Variants in HM13 observed in about 807,000 individuals in gnomAD.
HM13 encodes histocompatibility minor 13.
Under a neutral mutation model 50.0 loss-of-function variants are expected in HM13, and 18 were observed. That is an observed-to-expected ratio of 0.36 (90% CI 0.25 to 0.53). The LOEUF is 0.53. Among genes scored for constraint, HM13 ranks in the 20% least tolerant of loss-of-function variants. The probability of loss-of-function intolerance (pLI) is 0.90; values close to 1 mark genes in which losing one functional copy is unlikely to be tolerated. For missense variants in HM13, 393 were observed against 552.4 expected, an observed-to-expected ratio of 0.71 and a Z score of 2.89; for synonymous variants, 197 against 232.6, an observed-to-expected ratio of 0.85 and a Z score of 1.39.
intron 4 of HM13, 50 bp from the exon 5 acceptor site, chr20:31,548,979 G>T: frequency 6.6e-7 from 1 of 1,504,994 alleles, no homozygotes; most frequent in Non-Finnish European, 9.3e-7. Flanking sequence ...TGACAGGTGG[G>T]AGGGGTAGCC....
At chr20:31,547,424 C>T in intron 4 of HM13, 1 of 483,422 alleles carries the variant, frequency 2.1e-6, no homozygotes, top group Non-Finnish European at 3.7e-6. Flanking sequence ...GGCGCCCGCG[C>T]CGGCCTTCCT....
At chr20:31,552,853 A>G (rs1230648261) in intron 7 of HM13, among the ~76,000 whole-genome samples, 2 of 152,318 alleles carry the variant, frequency 1.3e-5, no homozygotes, top group African/African-American at 4.8e-5. Flanking sequence ...GGGAAGCACA[A>G]GCTTATTCAG....
At chr20:31,523,953 G>A (rs1982332607) in intron 1 of HM13, among the ~76,000 whole-genome samples, 1 of 152,196 alleles carries the variant, frequency 6.6e-6, no homozygotes, top group Non-Finnish European at 1.5e-5. Flanking sequence ...GGCTGCCTCA[G>A]CCATGCATAG....
Position 31,569,114 on chromosome 20 carries a change from G to A in HM13, c.1182-6G>A. The A allele has an allele frequency of 8.5e-7, 1 of 1,176,124 alleles. No homozygotes were observed. Among genetic ancestry groups the A allele is most frequent in the Non-Finnish European group, 1.1e-6 (1 of 890,368 alleles). 72.9% of individuals were successfully genotyped at this position (1,176,124 alleles called of 1,614,324 possible). On this transcript the variant is annotated splice_polypyrimidine_tract_variant and splice_region_variant and intron_variant, in intron 12 of 12. Transcript: ENST00000398174. ...TTTTTATTGTTGTTTTTTTTTTTTTGGTCAGTTATGAGGAGTCAAATCCTA... is the reference window on the plus strand; with the variant it reads ...TTTTTATTGTTGTTTTTTTTTTTTTAGTCAGTTATGAGGAGTCAAATCCTA...
intron 1 of HM13, among the ~76,000 whole-genome samples, chr20:31,522,444 C>A (rs1982223628): frequency 6.6e-6 from 1 of 152,018 alleles, no homozygotes; most frequent in South Asian, 2.1e-4. Flanking sequence ...TGCCTATAAT[C>A]CCAGCTACTC....
chr20:31,559,202 C>T (rs946855465), intron 8 of HM13, among the ~76,000 whole-genome samples: 2 of 152,218 alleles, frequency 1.3e-5, no homozygotes, highest in African/African-American at 4.8e-5. Flanking sequence ...TTAACAGTCA[C>T]AATCTCACAA....
At chr20:31,565,215 A>G (rs1170476105) in intron 10 of HM13, among the ~76,000 whole-genome samples, 1 of 151,376 alleles carries the variant, frequency 6.6e-6, no homozygotes, top group African/African-American at 2.4e-5. Context: ...GTGGTGCCTC[A>G]GGCCTATAAT....
intron 1 of HM13, among the ~76,000 whole-genome samples, chr20:31,524,907 G>C (rs1982397005): frequency 6.6e-6 from 1 of 151,828 alleles, no homozygotes; most frequent in African/African-American, 2.4e-5. Flanking sequence ...TAGAGATGGG[G>C]TTTCACCACG....
intron 4 of HM13, among the ~76,000 whole-genome samples, chr20:31,545,543 TC>T (rs1983664926): frequency 6.6e-6 from 1 of 152,108 alleles, no homozygotes; most frequent in East Asian, 1.9e-4. Flanking sequence ...GACAGGATGA[TC>T]ACTTGAGGCC....
chr20:31,557,406 C>A (rs767258876), intron 8 of HM13, among the ~76,000 whole-genome samples: 5 of 152,162 alleles, frequency 3.3e-5, no homozygotes, highest in Non-Finnish European at 7.3e-5. Context: ...TATATATATC[C>A]CCAGTAGTCC....
At chr20:31,519,724 C>G (rs1458704021) in intron 1 of HM13, among the ~76,000 whole-genome samples, 1 of 152,124 alleles carries the variant, frequency 6.6e-6, no homozygotes. Flanking sequence ...TAGGTTGTTT[C>G]AGTCTTTTGC....
In HM13 at chr20:31,547,647, T is replaced by G; in HGVS notation, c.455-1382T>G. ...TTAATCAAATCATGCCTAAGAAAGA[T>G]CCTGTCAAAATAGTCCGATGCCACG... On this transcript the variant is annotated intron_variant, in intron 4 of 12. Coordinates refer to ENST00000398174, the MANE Select transcript of HM13 (RefSeq NM_178581.3). The G allele has an allele frequency of 2.5e-6, 4 of 1,572,608 alleles. No individual in the cohort carries two copies. The East Asian group carries it at 9.0e-5, about 35-fold the overall frequency.
intron 2 of HM13, among the ~76,000 whole-genome samples, chr20:31,531,562 A>G (rs1445487406): frequency 6.6e-6 from 1 of 152,050 alleles, no homozygotes; most frequent in Admixed American, 6.6e-5. Context: ...ACATCCAGCT[A>G]TAAATCCTCT....
At chr20:31,556,911 C>T (rs1347524810) in intron 8 of HM13, among the ~76,000 whole-genome samples, 5 of 150,600 alleles carry the variant, frequency 3.3e-5, no homozygotes, top group Admixed American at 6.7e-5. Flanking sequence ...CCCAGCTACT[C>T]GGGAGGCTGA....
At chr20:31,533,492 G>C (rs1366573736) in intron 2 of HM13, among the ~76,000 whole-genome samples, 1 of 152,218 alleles carries the variant, frequency 6.6e-6, no homozygotes, top group African/African-American at 2.4e-5. Flanking sequence ...GTGACAGAGT[G>C]AGACTTCGTC....
At chr20:31,516,047 A>G (rs556157048) in intron 1 of HM13, among the ~76,000 whole-genome samples, 3 of 152,248 alleles carry the variant, frequency 2.0e-5, no homozygotes, top group Non-Finnish European at 4.4e-5. Flanking sequence ...GATCAGATGC[A>G]AAGGAAAGTA....
In HM13 at chr20:31,514,511, A is replaced by T; in HGVS notation, c.-41A>T. ...GTGTCTCCGCCTGCGTCCCTGCTGC[A>T]GCAACCGGAGCTGGAGTCGGATCCC... On this transcript the variant is annotated 5_prime_UTR_variant, in exon 1 of 13. Coordinates refer to ENST00000398174, the MANE Select transcript of HM13 (RefSeq NM_178581.3). The surrounding 1 kb of genome is among the most constrained non-coding windows in gnomAD (Gnocchi z 4.3). The T allele has an allele frequency of 6.3e-7, 1 of 1,581,638 alleles. No homozygotes were observed. The highest frequency in any genetic ancestry group is 2.3e-5 in the East Asian group (1 of 43,728).
intron 1 of HM13, among the ~76,000 whole-genome samples, chr20:31,525,221 G>A (rs1265029454): frequency 2.0e-5 from 3 of 152,040 alleles, no homozygotes; most frequent in Admixed American, 6.6e-5. Context: ...CCAGGATTTC[G>A]AATCTAGCCC....
At chr20:31,526,305 C>A (rs1434445841) in intron 1 of HM13, among the ~76,000 whole-genome samples, 7 of 151,950 alleles carry the variant, frequency 4.6e-5, no homozygotes, top group Admixed American at 4.6e-4. Flanking sequence ...ATTATAGGTG[C>A]CCGCCACTGC....
Sources: allele counts gnomAD v4.1 joint callset (sites outside exome capture counted in the v4.1 genomes callset), GRCh38; gene constraint gnomAD v4.1.1; non-coding constraint Gnocchi (gnomAD v3.1); transcripts MANE v1.5; gene names NCBI Gene and HGNC (gene_info 2026-07-23, HGNC 2026-07-21).